The following PRR16 variants were observed in gnomAD, a reference collection of about 807,000 sequenced individuals.
PRR16 encodes proline rich 16.
PRR16 carries 6 observed loss-of-function variants against 18.2 expected under a neutral mutation model. The ratio of observed to expected loss-of-function variants is 0.33; its 90% CI spans 0.18 to 0.65. The LOEUF is 0.65. PRR16 is among the 30% of genes least tolerant of loss of function. The probability of loss-of-function intolerance (pLI) is 0.74; values close to 1 mark genes in which losing one functional copy is unlikely to be tolerated. For synonymous variants in PRR16, 151 were observed against 147.8 expected, an observed-to-expected ratio of 1.02 and a Z score of -0.16; for missense variants, 412 against 376.6, an observed-to-expected ratio of 1.09 and a Z score of -0.78.
chr5:120,628,887 A>G (rs188342258), intron 1 of PRR16, among the ~76,000 whole-genome samples: 2 of 152,148 alleles, frequency 1.3e-5, no homozygotes, highest in Admixed American at 6.6e-5. Flanking sequence ...ATACTTTTTT[A>G]ACTTTTATTT....
the PRR16 span, among the ~76,000 whole-genome samples, chr5:120,736,995 A>T: frequency 6.6e-6 from 1 of 152,140 alleles, no homozygotes; most frequent in Non-Finnish European, 1.5e-5. Flanking sequence ...TGTGTGTGTG[A>T]GAGAGATCTT....
At chr5:120,718,412 C>T in the PRR16 span, among the ~76,000 whole-genome samples, 1 of 152,168 alleles carries the variant, frequency 6.6e-6, no homozygotes, top group East Asian at 1.9e-4. Flanking sequence ...TCTTTTTAAT[C>T]TTTATTTCAA....
At chr5:120,715,828 C>T in the PRR16 span, among the ~76,000 whole-genome samples, 1 of 152,140 alleles carries the variant, frequency 6.6e-6, no homozygotes, top group Non-Finnish European at 1.5e-5. Flanking sequence ...AGAAATAATA[C>T]AGGGAGACAT....
At chr5:120,537,111 C>T (rs966265217) in intron 1 of PRR16, among the ~76,000 whole-genome samples, 2 of 152,046 alleles carry the variant, frequency 1.3e-5, no homozygotes, top group Non-Finnish European at 2.9e-5. Flanking sequence ...ATACCTGGGT[C>T]ATGGAATAAT....
At chr5:120,482,588 C>T (rs1026367313) in intron 1 of PRR16, among the ~76,000 whole-genome samples, 2 of 152,230 alleles carry the variant, frequency 1.3e-5, no homozygotes, top group Admixed American at 6.5e-5. Context: ...ATGCGATGAA[C>T]ATATGAGTAT....
chr5:120,467,025 T>C (rs565781212), intron 1 of PRR16, among the ~76,000 whole-genome samples: 25 of 152,322 alleles, frequency 1.6e-4, no homozygotes, highest in African/African-American at 3.8e-4. Flanking sequence ...TTATAGGGTA[T>C]GTTTAACCTA....
chr5:120,602,543 G>A (rs1754017716), intron 1 of PRR16, among the ~76,000 whole-genome samples: 1 of 151,988 alleles, frequency 6.6e-6, no homozygotes, highest in African/African-American at 2.4e-5. Context: ...TTTCCTATTT[G>A]AAAGCCATTT....
chr5:120,686,695 A>C lies in PRR16; in HGVS notation c.901A>C (p.Thr301Pro). 1.3e-6 allele frequency: 2 copies of C among 1,528,836 alleles called. No homozygotes were observed. Among genetic ancestry groups the C allele is most frequent in the Non-Finnish European group, 1.8e-6 (2 of 1,138,216 alleles). 94.7% of individuals were successfully genotyped at this position (1,528,836 alleles called of 1,614,324 possible). Residue 301 changes from threonine to proline, a missense_variant, in exon 2 of 2, where the codon ACT becomes CCT. Physicochemically the swap from Thr to Pro is conservative, Grantham distance 38. Transcript: ENST00000407149. ...GAAGACGATCTTGAGGAAGTCAACC[A>C]CTACAACCGTGTGATGTATGCCATT... is the stretch of plus-strand genomic sequence containing the variant. Reference protein sequence around the residue: ...PQKTILRKSTTTTV With the variant: ...PQKTILRKSTPTTV
the PRR16 span, among the ~76,000 whole-genome samples, chr5:120,724,711 G>A: frequency 2.6e-5 from 4 of 151,868 alleles, no homozygotes; most frequent in African/African-American, 7.3e-5. Flanking sequence ...TCCCCTACCT[G>A]CACATCTATT....
chr5:120,632,729 CTG>C (rs778128314), intron 1 of PRR16, among the ~76,000 whole-genome samples: 2 of 152,130 alleles, frequency 1.3e-5, no homozygotes, highest in Non-Finnish European at 1.5e-5. Flanking sequence ...AAGTTTGGGA[CTG>C]TGTTAAAATT....
At chr5:120,729,041 G>T in the PRR16 span, among the ~76,000 whole-genome samples, 1 of 152,054 alleles carries the variant, frequency 6.6e-6, no homozygotes, top group Non-Finnish European at 1.5e-5. Context: ...GCTGAAACCA[G>T]TGGGGTTCTG....
At chr5:120,646,960 GAA>G (rs1755622309) in intron 1 of PRR16, among the ~76,000 whole-genome samples, 2 of 151,814 alleles carry the variant, frequency 1.3e-5, no homozygotes, top group South Asian at 4.2e-4. Context: ...ATGTTATAAT[GAA>G]AAAAGGCAAT....
At chr5:120,640,248 C>A (rs1218095005) in intron 1 of PRR16, among the ~76,000 whole-genome samples, 3 of 151,894 alleles carry the variant, frequency 2.0e-5, no homozygotes, top group Admixed American at 1.3e-4. Flanking sequence ...CTCAGCAACA[C>A]ACAATTTACC....
chr5:120,788,297 G>T, the PRR16 span, among the ~76,000 whole-genome samples: 1 of 151,952 alleles, frequency 6.6e-6, no homozygotes, highest in Non-Finnish European at 1.5e-5. Context: ...ACAAATAATA[G>T]ATTGAAGTTT....
chr5:120,579,456 C>T (rs75934086), intron 1 of PRR16, among the ~76,000 whole-genome samples: 8 of 151,962 alleles, frequency 5.3e-5, no homozygotes, highest in African/African-American at 1.9e-4. Context: ...GTCCAGTTTC[C>T]GTTTTCTGCA....
chr5:120,519,600 GT>G (rs1421480116), intron 1 of PRR16, among the ~76,000 whole-genome samples: 1 of 152,014 alleles, frequency 6.6e-6, no homozygotes, highest in Non-Finnish European at 1.5e-5. Context: ...TAAAAGGCCA[GT>G]TTTCTTTCCT....
At chr5:120,577,231 G>A (rs1158701854) in intron 1 of PRR16, among the ~76,000 whole-genome samples, 1 of 151,968 alleles carries the variant, frequency 6.6e-6, no homozygotes, top group Non-Finnish European at 1.5e-5. Flanking sequence ...ATTCCTAATA[G>A]CAAGGTTTTT....
chr5:120,567,104 A>T (rs1311592213), intron 1 of PRR16, among the ~76,000 whole-genome samples: 1 of 152,110 alleles, frequency 6.6e-6, no homozygotes, highest in Non-Finnish European at 1.5e-5. Flanking sequence ...ATACCTTATA[A>T]ATTGGTGTAG....
the PRR16 span, among the ~76,000 whole-genome samples, chr5:120,749,519 A>G: frequency 1.3e-5 from 2 of 152,136 alleles, no homozygotes; most frequent in African/African-American, 2.4e-5. Context: ...ATTCATAACA[A>G]TGTACTGTCA....
Sources: allele counts gnomAD v4.1 joint callset (sites outside exome capture counted in the v4.1 genomes callset), GRCh38; gene constraint gnomAD v4.1.1; transcripts MANE v1.5; gene names NCBI Gene and HGNC (gene_info 2026-07-23, HGNC 2026-07-21).